The following DPYSL3 variants were observed in gnomAD, a reference collection of about 807,000 sequenced individuals.
The protein encoded by DPYSL3 is dihydropyrimidinase-related protein 3.
A neutral mutation model predicts 66.1 loss-of-function variants in DPYSL3; 16 were observed. The ratio of observed to expected loss-of-function variants is 0.24; its 90% CI spans 0.16 to 0.37. DPYSL3 has a LOEUF of 0.37. Ranked by LOEUF, DPYSL3 falls within the 10% of genes least tolerant of loss-of-function variation. DPYSL3 has a pLI of 1.00. For synonymous variants in DPYSL3, 338 were observed against 345.1 expected (o/e 0.98, Z 0.23); for missense variants, 738 against 916.2 (o/e 0.81, Z 2.51).
At chr5:147,438,725 T>G (rs1752462687) in intron 1 of DPYSL3, among the ~76,000 whole-genome samples, 1 of 152,240 alleles carries the variant, frequency 6.6e-6, no homozygotes, top group Non-Finnish European at 1.5e-5. Flanking sequence ...CTCAGAAATG[T>G]TTCAGACTGA....
chr5:147,453,397 C>A (rs1752775425), intron 1 of DPYSL3: 1 of 1,240,750 alleles, frequency 8.1e-7, no homozygotes, highest in Non-Finnish European at 1.1e-6. Context: ...GCCGGCTGGA[C>A]TGACCGCCGC....
chr5:147,483,017 T>A (rs1344905880), intron 1 of DPYSL3, among the ~76,000 whole-genome samples: 1 of 152,176 alleles, frequency 6.6e-6, no homozygotes, highest in Non-Finnish European at 1.5e-5. Context: ...CACGATCCAA[T>A]CGCTTCCCAC....
At chr5:147,474,486 A>G (rs1410044090) in intron 1 of DPYSL3, among the ~76,000 whole-genome samples, 1 of 152,088 alleles carries the variant, frequency 6.6e-6, no homozygotes, top group African/African-American at 2.4e-5. Context: ...GGAAGCTGAC[A>G]ATGGTTAAAT....
intron 7 of DPYSL3, among the ~76,000 whole-genome samples, chr5:147,407,520 C>T (rs538211283): frequency 6.6e-6 from 1 of 152,286 alleles, no homozygotes; most frequent in East Asian, 1.9e-4. Context: ...ATGCTGATTA[C>T]CCTGGTCTCT....
chr5:147,410,748 C>G (rs1355212598), intron 6 of DPYSL3, among the ~76,000 whole-genome samples: 1 of 152,210 alleles, frequency 6.6e-6, no homozygotes, highest in Non-Finnish European at 1.5e-5. Flanking sequence ...CATATACTCA[C>G]TTTTGAATAA....
At chr5:147,484,244 A>T (rs1467740024) in intron 1 of DPYSL3, among the ~76,000 whole-genome samples, 2 of 151,890 alleles carry the variant, frequency 1.3e-5, no homozygotes, top group Non-Finnish European at 2.9e-5. Flanking sequence ...TTCCTCCCCC[A>T]TCCTCCTCCC....
At chr5:147,450,663 C>T (rs530021634) in intron 1 of DPYSL3, among the ~76,000 whole-genome samples, 27 of 152,150 alleles carry the variant, frequency 1.8e-4, no homozygotes, top group African/African-American at 6.3e-4. Flanking sequence ...AGTAAGAATG[C>T]CTTAATCTCA....
chr5:147,462,785 T>C (rs1273706538), intron 1 of DPYSL3, among the ~76,000 whole-genome samples: 1 of 152,160 alleles, frequency 6.6e-6, no homozygotes, highest in African/African-American at 2.4e-5. Context: ...GACTCCTATG[T>C]TATTGGAGGT....
At position 147,423,787 on chromosome 5, in the gene DPYSL3, C is replaced by G. The variant is rs11948890; in HGVS notation, c.470+1088G>C. Reference sequence around the variant, plus strand: ...GAGTGCTGGAGTGCAGTGGCGCCATCTTGGCTCACTGCAACCTCTACCTCC... The same window carrying G: ...GAGTGCTGGAGTGCAGTGGCGCCATGTTGGCTCACTGCAACCTCTACCTCC... On this transcript the variant is annotated intron_variant, in intron 2 of 13. Transcript: ENST00000343218. Among the ~76,000 whole-genome samples the G allele has an allele frequency of 4.0e-3, 610 of 152,260 alleles. 3 individuals are homozygous for G. The highest frequency in any genetic ancestry group is 6.6e-3 in the Non-Finnish European group (448 of 68,008).
chr5:147,431,994 C>T (rs1479786997), intron 1 of DPYSL3, among the ~76,000 whole-genome samples: 1 of 152,142 alleles, frequency 6.6e-6, no homozygotes, highest in African/African-American at 2.4e-5. Flanking sequence ...AGAAGATAGA[C>T]ATCTTGAGGA....
At chr5:147,472,100 A>G (rs1753095423) in intron 1 of DPYSL3, among the ~76,000 whole-genome samples, 1 of 152,224 alleles carries the variant, frequency 6.6e-6, no homozygotes, top group South Asian at 2.1e-4. Flanking sequence ...GCCCATGGCC[A>G]ACACTGTAGT....
At chr5:147,504,142 C>A (rs1005908704) in intron 1 of DPYSL3, among the ~76,000 whole-genome samples, 2 of 152,100 alleles carry the variant, frequency 1.3e-5, no homozygotes, top group Non-Finnish European at 2.9e-5. Flanking sequence ...CAGGATAACG[C>A]CCAGTGGAAA....
At chr5:147,416,693 C>T (rs545516895) in intron 3 of DPYSL3, among the ~76,000 whole-genome samples, 2 of 152,262 alleles carry the variant, frequency 1.3e-5, no homozygotes, top group South Asian at 2.1e-4. Context: ...CAAACCTTAA[C>T]CCAACATTTA....
At chr5:147,444,069 G>C (rs1420381305) in intron 1 of DPYSL3, among the ~76,000 whole-genome samples, 1 of 152,094 alleles carries the variant, frequency 6.6e-6, no homozygotes, top group Admixed American at 6.5e-5. Flanking sequence ...TGGACTTGAA[G>C]TAAGTGAACT....
intron 1 of DPYSL3, among the ~76,000 whole-genome samples, chr5:147,454,461 T>C (rs1437574398): frequency 2.0e-5 from 3 of 152,192 alleles, no homozygotes; most frequent in African/African-American, 7.2e-5. Flanking sequence ...AGGGGCACGG[T>C]AGCAGTGGAC....
intron 1 of DPYSL3, among the ~76,000 whole-genome samples, chr5:147,492,507 A>G (rs1753430667): frequency 6.6e-6 from 1 of 152,158 alleles, no homozygotes; most frequent in Admixed American, 6.5e-5. Flanking sequence ...GAAATAAATG[A>G]AAGTGATGAT....
chr5:147,449,836 A>G (rs1406719417), intron 1 of DPYSL3, among the ~76,000 whole-genome samples: 1 of 152,244 alleles, frequency 6.6e-6, no homozygotes. Context: ...TGTCAGAGGA[A>G]AACAATAACT....
At chr5:147,423,542 T>G (rs572722775) in intron 2 of DPYSL3, among the ~76,000 whole-genome samples, 1 of 152,208 alleles carries the variant, frequency 6.6e-6, no homozygotes, top group East Asian at 1.9e-4. Flanking sequence ...CAATAAAAAG[T>G]AGCTCTTATC....
At chr5:147,428,004 T>G (rs1278219576) in intron 1 of DPYSL3, among the ~76,000 whole-genome samples, 1 of 152,164 alleles carries the variant, frequency 6.6e-6, no homozygotes, top group African/African-American at 2.4e-5. Flanking sequence ...ATCACTCCCT[T>G]CAACAAGCAT....
Sources: gnomAD v4.1 joint callset for allele counts (sites outside exome capture counted in the v4.1 genomes callset) on GRCh38, gnomAD v4.1.1 for gene constraint, MANE v1.5 for transcripts, NCBI Gene and HGNC (gene_info 2026-07-23, HGNC 2026-07-21) for gene names.